INPP4B: variants seen among roughly 807,000 people sequenced by gnomAD.
INPP4B encodes the protein inositol polyphosphate 4-phosphatase type II.
A neutral mutation model predicts 122.5 loss-of-function variants in INPP4B; 55 were observed. That is an observed-to-expected ratio of 0.45 (90% confidence interval 0.36 to 0.56). The LOEUF (loss-of-function observed/expected upper bound fraction) is 0.56. Ranked by LOEUF, INPP4B falls within the 20% of genes least tolerant of loss-of-function variation. The probability of loss-of-function intolerance (pLI) is 0.00; values close to 1 mark genes in which losing one functional copy is unlikely to be tolerated. For missense variants in INPP4B, 1,000 were observed against 1,097.7 expected (o/e 0.91, Z 1.26); for synonymous variants, 403 against 388.7 (o/e 1.04, Z -0.43).
At chr4:142,293,875 C>G (rs1031038189) in intron 9 of INPP4B, among the ~76,000 whole-genome samples, 1 of 152,194 alleles carries the variant, frequency 6.6e-6, no homozygotes, top group Non-Finnish European at 1.5e-5. Flanking sequence ...TTAGAACTGA[C>G]AATATCTTTT....
chr4:142,034,796 C>G (rs1389986052), intron 25 of INPP4B, among the ~76,000 whole-genome samples: 1 of 152,174 alleles, frequency 6.6e-6, no homozygotes, highest in African/African-American at 2.4e-5. Context: ...TTACTCATAA[C>G]TAACTTCTCC....
intron 2 of INPP4B, among the ~76,000 whole-genome samples, chr4:142,528,549 T>C (rs1439395980): frequency 6.6e-6 from 1 of 152,078 alleles, no homozygotes; most frequent in East Asian, 1.9e-4. Context: ...ATCACAGTCT[T>C]TTATAGTCTA....
intron 12 of INPP4B, among the ~76,000 whole-genome samples, chr4:142,215,039 C>T (rs1490458249): frequency 3.3e-5 from 5 of 152,010 alleles, no homozygotes; most frequent in African/African-American, 1.2e-4. Flanking sequence ...CTTTTATTCT[C>T]AAAAAATTTA....
chr4:142,240,992 T>C (rs1038235089), intron 11 of INPP4B, among the ~76,000 whole-genome samples: 1 of 152,078 alleles, frequency 6.6e-6, no homozygotes, highest in Non-Finnish European at 1.5e-5. Context: ...GAATGTTTTG[T>C]CAACTTTAAA....
In INPP4B at chr4:142,367,188, A is replaced by ATGTG. The variant is rs5862590; in HGVS notation, c.372+35746_372+35749dup. On this transcript the variant is annotated intron_variant, in intron 7 of 25. Coordinates refer to ENST00000262992, the MANE Select transcript of INPP4B (RefSeq NM_001101669.3). ...AATAGTGTGTATGTATACATGTAAT[A>ATGTG]TGTGTGTGTGTGTGTGTGTGTGTGT... Among the ~76,000 whole-genome samples, 1,318 of 132,770 alleles carry ATGTG rather than the reference A, an allele frequency of 9.9e-3. 14 individuals carry two copies. Among genetic ancestry groups the ATGTG allele is most frequent in the Middle Eastern group, 0.015 (4 of 262 alleles). 87.1% of individuals were successfully genotyped at this position (132,770 alleles called of 152,430 possible).
chr4:142,812,047 G>A (rs757632736), intron 1 of INPP4B, among the ~76,000 whole-genome samples: 12 of 152,120 alleles, frequency 7.9e-5, no homozygotes, highest in Non-Finnish European at 1.5e-4. Context: ...TTGCATGGAT[G>A]TATGAAGATG....
intron 18 of INPP4B, among the ~76,000 whole-genome samples, chr4:142,138,675 C>T (rs1279938606): frequency 2.0e-5 from 3 of 152,028 alleles, no homozygotes; most frequent in African/African-American, 7.2e-5. Context: ...ATTACTTAAC[C>T]CCTTCATCTA....
chr4:142,498,413 AAAG>A (rs1373711965), intron 2 of INPP4B, among the ~76,000 whole-genome samples: 1 of 152,012 alleles, frequency 6.6e-6, no homozygotes. Context: ...AGCTACCTTA[AAAG>A]TTGAAGATGA....
At chr4:142,648,051 A>C (rs1445613875) in intron 2 of INPP4B, among the ~76,000 whole-genome samples, 1 of 152,200 alleles carries the variant, frequency 6.6e-6, no homozygotes, top group Non-Finnish European at 1.5e-5. Flanking sequence ...AGTTAAAATT[A>C]ATTTCTTAGA....
chr4:142,762,715 A>G (rs1017127507), intron 1 of INPP4B, among the ~76,000 whole-genome samples: 16 of 152,166 alleles, frequency 1.1e-4, no homozygotes, highest in Non-Finnish European at 1.9e-4. Context: ...TGTGCCATAT[A>G]TTTGAAGAGG....
At chr4:142,504,948 C>G (rs571479468) in intron 2 of INPP4B, among the ~76,000 whole-genome samples, 13 of 151,922 alleles carry the variant, frequency 8.6e-5, no homozygotes, top group Admixed American at 5.9e-4. Flanking sequence ...AGATGGAGGA[C>G]AGGGAGAAAT....
intron 16 of INPP4B, among the ~76,000 whole-genome samples, chr4:142,167,821 G>T (rs1268347345): frequency 6.6e-6 from 1 of 151,598 alleles, no homozygotes; most frequent in Admixed American, 6.6e-5. Context: ...ATTCTTTTGT[G>T]TACATTCAAA....
chr4:142,233,448 A>G (rs778069236), intron 12 of INPP4B, among the ~76,000 whole-genome samples: 1 of 152,184 alleles, frequency 6.6e-6, no homozygotes, highest in Non-Finnish European at 1.5e-5. Context: ...TGGAGAAAAA[A>G]CAAGCAAAAT....
chr4:142,281,928 T>C (rs1170387955), intron 9 of INPP4B, among the ~76,000 whole-genome samples: 1 of 152,074 alleles, frequency 6.6e-6, no homozygotes, highest in African/African-American at 2.4e-5. Context: ...AGGTCAAAAT[T>C]ACAGAAAATA....
intron 5 of INPP4B, chr4:142,427,352 C>G (rs1255808131): frequency 2.4e-6 from 1 of 424,746 alleles, no homozygotes; most frequent in African/African-American, 2.1e-5. Flanking sequence ...ATAAAATTAT[C>G]TGTTGTTGTT....
intron 2 of INPP4B, among the ~76,000 whole-genome samples, chr4:142,577,372 T>G (rs1170070398): frequency 6.6e-6 from 1 of 151,986 alleles, no homozygotes; most frequent in East Asian, 1.9e-4. Context: ...TACCATTGTA[T>G]GTATTTTCTG....
chr4:142,324,967 C>T (rs1771771746), intron 7 of INPP4B, among the ~76,000 whole-genome samples: 2 of 152,176 alleles, frequency 1.3e-5, no homozygotes, highest in Non-Finnish European at 2.9e-5. Context: ...TCTGTCTAGG[C>T]AAAGGCCTAC....
intron 2 of INPP4B, among the ~76,000 whole-genome samples, chr4:142,492,241 T>C (rs1269859332): frequency 6.6e-6 from 1 of 152,134 alleles, no homozygotes; most frequent in African/African-American, 2.4e-5. Flanking sequence ...CTTTCCTTTA[T>C]AAACTACCCA....
chr4:142,260,429 A>G (rs1739321643), intron 11 of INPP4B, 63 bp downstream of exon 11: 1 of 1,035,870 alleles, frequency 9.7e-7, no homozygotes, highest in Non-Finnish European at 1.5e-6. Context: ...TTCAGTGTTG[A>G]TTTTACATAA....
Sources: gnomAD v4.1 joint callset for allele counts (sites outside exome capture counted in the v4.1 genomes callset) on GRCh38, gnomAD v4.1.1 for gene constraint, MANE v1.5 for transcripts, NCBI Gene and HGNC (gene_info 2026-07-23, HGNC 2026-07-21) for gene names.